Variants in ZRANB3 observed in about 807,000 individuals in gnomAD.
ZRANB3 encodes the protein zinc finger RANBP2-type containing 3, also known as DNA annealing helicase and endonuclease ZRANB3.
Under a neutral mutation model 133.8 loss-of-function variants are expected in ZRANB3, and 125 were observed. The observed-to-expected ratio is 0.93, with a 90% confidence interval of 0.81 to 1.08. The LOEUF is 1.08. Ranked by LOEUF, ZRANB3 falls within the 50% of genes least tolerant of loss-of-function variation. The pLI, the probability that ZRANB3 is intolerant of heterozygous loss-of-function variation, is 0.00. For missense variants in ZRANB3, 1,229 were observed against 1,275.5 expected (o/e 0.96, Z 0.56); for synonymous variants, 387 against 432.7 (o/e 0.89, Z 1.31).
chr2:135,320,980 T>A (rs903273351), intron 6 of ZRANB3, among the ~76,000 whole-genome samples: 2 of 152,234 alleles, frequency 1.3e-5, no homozygotes, highest in Non-Finnish European at 2.9e-5. Context: ...TATTAATAGT[T>A]CATTGCTTTT....
chr2:135,382,013 GAGA>G (rs1686725796), intron 3 of ZRANB3, among the ~76,000 whole-genome samples: 1 of 152,204 alleles, frequency 6.6e-6, no homozygotes, highest in African/African-American at 2.4e-5. Flanking sequence ...GACGAGTTGA[GAGA>G]AGAAGGCTTC....
chr2:135,204,072 T>G (rs1044368589), intron 19 of ZRANB3, among the ~76,000 whole-genome samples: 7 of 152,218 alleles, frequency 4.6e-5, no homozygotes, highest in African/African-American at 1.7e-4. Context: ...TGATTATGTA[T>G]AAAGCCTGTT....
At position 135,231,047 on chromosome 2, in the gene ZRANB3, G is replaced by A. The variant is rs1390327031; in HGVS notation, c.1540-120C>T. The A allele has an allele frequency of 4.9e-6, 4 of 815,270 alleles. No homozygotes were observed. In the East Asian group the frequency reaches 9.2e-5, roughly 19 times the overall value. 50.5% of individuals were successfully genotyped at this position (815,270 alleles called of 1,614,324 possible). On this transcript the variant is annotated intron_variant, in intron 12 of 20. Coordinates refer to ENST00000264159, the MANE Select transcript of ZRANB3 (RefSeq NM_032143.4). ...TTGCCTTATCCTTTAAATACCTTTT[G>A]GAAATGAATTCATTATGCTCTGACT...
At chr2:135,496,594 C>T (rs1277866616) in intron 2 of ZRANB3, among the ~76,000 whole-genome samples, 1 of 152,052 alleles carries the variant, frequency 6.6e-6, no homozygotes, top group African/African-American at 2.4e-5. Flanking sequence ...AAATACGACA[C>T]AGAACCAAAA....
intron 12 of ZRANB3, among the ~76,000 whole-genome samples, chr2:135,253,332 C>T (rs1234260843): frequency 1.3e-5 from 2 of 152,078 alleles, no homozygotes; most frequent in Admixed American, 6.5e-5. Context: ...TGAACTGTGA[C>T]CCAACCAAGT....
intron 1 of ZRANB3, chr2:135,530,633 A>G (rs1694513484): frequency 6.6e-6 from 1 of 152,216 alleles, no homozygotes; most frequent in Admixed American, 6.5e-5. Context: ...GATGAGTTTA[A>G]ATACGTACTA....
intron 3 of ZRANB3, among the ~76,000 whole-genome samples, chr2:135,361,802 G>C (rs1232053852): frequency 6.6e-6 from 1 of 152,134 alleles, no homozygotes; most frequent in Non-Finnish European, 1.5e-5. Flanking sequence ...TATTATTAAG[G>C]GGGTATATAT....
chr2:135,453,257 C>T (rs954039703), intron 2 of ZRANB3, among the ~76,000 whole-genome samples: 5 of 152,166 alleles, frequency 3.3e-5, no homozygotes, highest in Non-Finnish European at 7.3e-5. Context: ...ACCATTTTTT[C>T]CTCCTGGGCC....
chr2:135,376,794 T>C (rs529982993), intron 3 of ZRANB3, among the ~76,000 whole-genome samples: 10 of 152,348 alleles, frequency 6.6e-5, no homozygotes, highest in Admixed American at 1.3e-4. Context: ...TGAAAATCCA[T>C]TGAACTTTAT....
At chr2:135,358,174 CTA>C (rs1416751155) in intron 3 of ZRANB3, among the ~76,000 whole-genome samples, 4 of 152,294 alleles carry the variant, frequency 2.6e-5, no homozygotes, top group Non-Finnish European at 4.4e-5. Context: ...CTTCCCAACT[CTA>C]TATTTCTTCT....
intron 12 of ZRANB3, among the ~76,000 whole-genome samples, chr2:135,233,301 T>C (rs1695120946): frequency 6.6e-6 from 1 of 151,918 alleles, no homozygotes; most frequent in Non-Finnish European, 1.5e-5. Flanking sequence ...TGTGAAAAGA[T>C]CAAATCTACA....
At position 135,217,444 on chromosome 2, in the gene ZRANB3, TTA is replaced by T; in HGVS notation, c.2495+19_2495+20del. The T allele has an allele frequency of 6.3e-7, 1 of 1,577,546 alleles. No individual in the cohort carries two copies. On this transcript the variant is annotated intron_variant, in intron 17 of 20. Coordinates refer to ENST00000264159, the MANE Select transcript of ZRANB3 (RefSeq NM_032143.4). The stretch of plus-strand genomic sequence containing the variant: ...CATGAAAAGTAATATAATACAAAAT[TTA>T]AAAAAAGACAACTCATACCTTTTGG...
At chr2:135,340,516 T>C (rs1684602076) in intron 6 of ZRANB3, among the ~76,000 whole-genome samples, 1 of 152,168 alleles carries the variant, frequency 6.6e-6, no homozygotes, top group African/African-American at 2.4e-5. Context: ...AAAATATTCT[T>C]ATTTGAATAT....
At chr2:135,526,857 C>A (rs760758327) in intron 1 of ZRANB3, among the ~76,000 whole-genome samples, 106 of 152,300 alleles carry the variant, frequency 7.0e-4, no homozygotes, top group Non-Finnish European at 6.3e-4. Context: ...TACAATAAAA[C>A]TTGGTCTCCA....
chr2:135,522,129 C>T (rs1447512499), intron 1 of ZRANB3, among the ~76,000 whole-genome samples: 2 of 152,216 alleles, frequency 1.3e-5, no homozygotes, highest in African/African-American at 4.8e-5. Flanking sequence ...ATTTCAGTCC[C>T]GAAAAGTTAA....
At chr2:135,424,220 T>C (rs1427207355) in intron 2 of ZRANB3, among the ~76,000 whole-genome samples, 1 of 152,122 alleles carries the variant, frequency 6.6e-6, no homozygotes, top group East Asian at 1.9e-4. Context: ...TTGAATTAAA[T>C]ATAATAGCAT....
chr2:135,509,949 C>T (rs982475789), intron 1 of ZRANB3, among the ~76,000 whole-genome samples: 2 of 151,920 alleles, frequency 1.3e-5, no homozygotes, highest in African/African-American at 2.4e-5. Context: ...AGAAGTGTTT[C>T]GTGATCCAAT....
At chr2:135,276,329 A>G (rs1407430101) in intron 8 of ZRANB3, among the ~76,000 whole-genome samples, 1 of 151,606 alleles carries the variant, frequency 6.6e-6, no homozygotes, top group Non-Finnish European at 1.5e-5. Flanking sequence ...AAATGAGGTC[A>G]TTTAGCTTAT....
intron 8 of ZRANB3, among the ~76,000 whole-genome samples, chr2:135,309,174 G>A (rs916804769): frequency 6.6e-6 from 1 of 151,688 alleles, no homozygotes; most frequent in South Asian, 2.1e-4. Flanking sequence ...GTAGAGACGG[G>A]GTTTCACCGT....
Sources: allele counts gnomAD v4.1 joint callset (sites outside exome capture counted in the v4.1 genomes callset), GRCh38; gene constraint gnomAD v4.1.1; transcripts MANE v1.5; gene names NCBI Gene and HGNC (gene_info 2026-07-23, HGNC 2026-07-21).